CHST7: variants seen among roughly 807,000 people sequenced by gnomAD.
CHST7 encodes N-acetylglucosamine 6-O-sulfotransferase 4.
In CHST7, 5 loss-of-function variants were observed where a neutral mutation model predicts 9.0. The ratio of observed to expected loss-of-function variants is 0.56; its 90% CI spans 0.29 to 1.17. CHST7 has a LOEUF of 1.17. CHST7 is among the 50% of genes most tolerant of loss of function. CHST7 has a pLI of 0.08. For synonymous variants in CHST7, 244 were observed against 237.1 expected (o/e 1.03, Z -0.27); for missense variants, 377 against 485.1 (o/e 0.78, Z 2.09).
chrX:46,581,612 T>G (rs1602108484), intron 1 of CHST7, among the ~76,000 whole-genome samples: 1 of 103,705 alleles, frequency 9.6e-6, no homozygotes, highest in African/African-American at 3.6e-5. Flanking sequence ...AATTTTTTTT[T>G]GAGGCGGAGT....
At chrX:46,591,287 C>A (rs1233063376) in intron 1 of CHST7, among the ~76,000 whole-genome samples, 4 of 112,566 alleles carry the variant, frequency 3.6e-5, no homozygotes, top group African/African-American at 1.3e-4. Flanking sequence ...AGCAGCTGTA[C>A]CCTTCTACAT....
intron 1 of CHST7, among the ~76,000 whole-genome samples, chrX:46,583,962 G>A (rs1942536800): frequency 8.9e-6 from 1 of 112,257 alleles, no homozygotes; most frequent in Non-Finnish European, 1.9e-5. Context: ...TCACATCTGA[G>A]TGAGAACATG....
intron 1 of CHST7, among the ~76,000 whole-genome samples, chrX:46,577,015 C>T (rs1942502566): frequency 9.0e-6 from 1 of 110,998 alleles, no homozygotes; most frequent in Non-Finnish European, 1.9e-5. Context: ...ACAGATATAA[C>T]AGTAATTGTC....
chrX:46,583,306 G>A (rs1461688422), intron 1 of CHST7, among the ~76,000 whole-genome samples: 1 of 112,453 alleles, frequency 8.9e-6, no homozygotes, highest in Non-Finnish European at 1.9e-5. Context: ...AATAAGAATA[G>A]TAGGGATTAA....
In CHST7 at chrX:46,594,523, C is replaced by CA. The variant is rs35615048; in HGVS notation, c.*32-3222dup. Among the ~76,000 whole-genome samples, 266 of 82,720 alleles carry CA rather than the reference C, an allele frequency of 3.2e-3. 1 individual carries two copies. Among genetic ancestry groups the CA allele is most frequent in the African/African-American group, 9.3e-3 (217 of 23,213 alleles). The allele number at this position is 82,720 out of a possible 115,157, so 71.8% of individuals were successfully genotyped here. On this transcript the variant is annotated intron_variant, in intron 1 of 1. Transcript: ENST00000276055. ...GCCTGGGTGACAGTGAGACTCTGTC[C>CA]AAAAAAAAAAAAAAAGAAAAATCTG...
rs911213035 is a variant in CHST7, at chrX:46,575,120, G to T, written c.1189G>T (p.Ala397Ser). ...RRLLRFSGLR[A>S]LAALDAFALN... is the part of the protein sequence containing the mutation. ...CCTGCTGCGCTTCTCCGGGCTACGC[G>T]CGCTCGCAGCGCTCGATGCCTTCGC... is the stretch of plus-strand genomic sequence containing the variant. Residue 397 changes from alanine (A) to serine (S), a missense_variant, in exon 1 of 2, where the codon GCG becomes TCG. By Grantham distance (99) the Ala-to-Ser change is moderately conservative. This residue lies in a region of CHST7 where 130 missense variants were observed against 134.9 expected (regional missense o/e 0.96). Coordinates refer to ENST00000276055, the MANE Select transcript of CHST7 (RefSeq NM_019886.4). The T allele has an allele frequency of 9.1e-7, 1 of 1,098,765 alleles. No homozygotes were observed. Among genetic ancestry groups the T allele is most frequent in the African/African-American group, 1.9e-5 (1 of 51,903 alleles). 90.6% of individuals were successfully genotyped at this position (1,098,765 alleles called of 1,213,427 possible). A position where few individuals can be genotyped will look rare whatever the true frequency, so the allele number is the denominator to read the frequency against.
chrX:46,574,268 G>C lies in CHST7; in HGVS notation c.337G>C (p.Gly113Arg). ...HIYVHATWRT[G>R]SSFLGELFNQ... ...CTACGTGCATGCCACCTGGCGCACC[G>C]GCTCGTCCTTCCTGGGCGAACTCTT... is the stretch of plus-strand genomic sequence containing the variant. The change falls in exon 1 of 2, where the codon GGC becomes CGC. Residue 113 changes from glycine to arginine, a missense_variant. Coordinates refer to ENST00000276055, the MANE Select transcript of CHST7 (RefSeq NM_019886.4). 5 of 1,211,301 alleles carry C rather than the reference G, an allele frequency of 4.1e-6. No individual in the cohort carries two copies. The highest frequency in any genetic ancestry group is 5.6e-6 in the Non-Finnish European group (5 of 895,202).
chrX:46,574,488 A>G lies in CHST7; in HGVS notation c.557A>G (p.Asn186Ser), dbSNP rs757997517. 9 of 1,205,422 alleles carry G rather than the reference A, an allele frequency of 7.5e-6. No homozygotes were observed. The highest frequency in any genetic ancestry group is 2.3e-4 in the Middle Eastern group (1 of 4,332). Residue 186 changes from asparagine to serine, a missense_variant, in exon 1 of 2, where the codon AAT (asparagine) becomes AGT (serine). Asn to Ser is a conservative substitution (Grantham distance 46, BLOSUM62 1). This residue lies in a region of CHST7 where 239 missense variants were observed against 325.7 expected (regional missense o/e 0.73). Coordinates refer to ENST00000276055, the MANE Select transcript of CHST7 (RefSeq NM_019886.4). ...GCTGCGCGCGCCCCGGACACGGCCA[A>G]TCTTACCACGGCCGCCCTCTTCCGC... is the stretch of plus-strand genomic sequence containing the variant. ...DPAARAPDTA[N>S]LTTAALFRWR... is the part of the protein sequence containing the mutation.
At chrX:46,588,368 C>T (rs984874167) in intron 1 of CHST7, among the ~76,000 whole-genome samples, 1 of 111,580 alleles carries the variant, frequency 9.0e-6, no homozygotes, top group African/African-American at 3.3e-5. Context: ...AGTTCATTGG[C>T]TTGAATCTTC....
In CHST7 at chrX:46,587,935, T is replaced by C. The variant is rs141512450; in HGVS notation, c.*32-9825T>C. 1.5e-3 allele frequency among the ~76,000 whole-genome samples: 170 copies of C among 112,048 alleles called. No individual in the cohort carries two copies. The East Asian group carries it at 0.034, about 22-fold the overall frequency. On this transcript the variant is annotated intron_variant, in intron 1 of 1. Coordinates refer to ENST00000276055, the MANE Select transcript of CHST7 (RefSeq NM_019886.4). ...TTGCAAAGGACGCTCAAGCCCTTCC[T>C]CAGCCCATTTGTTCTGGAGGTGGTC... is the stretch of plus-strand genomic sequence containing the variant.
chrX:46,574,534 C>A lies in CHST7; in HGVS notation c.603C>A (p.Ile201=). ...ALFRWRTNKV[I]CSPPLCPGAP... ...TCCGCTGGCGGACTAACAAGGTCAT[C>A]TGCTCGCCGCCACTGTGTCCTGGCG... Residue 201 remains isoleucine, a synonymous_variant, in exon 1 of 2, where the codon ATC becomes ATA. Coordinates refer to ENST00000276055, the MANE Select transcript of CHST7 (RefSeq NM_019886.4). 1 of 1,207,179 alleles carries A rather than the reference C, an allele frequency of 8.3e-7. No homozygotes were observed. The highest frequency in any genetic ancestry group is 1.1e-6 in the Non-Finnish European group (1 of 893,187).
chrX:46,595,000 G>T (rs1332663918), intron 1 of CHST7, among the ~76,000 whole-genome samples: 2 of 111,763 alleles, frequency 1.8e-5, no homozygotes, highest in African/African-American at 6.5e-5. Flanking sequence ...GATTCACTAA[G>T]TCCTTACTCT....
chrX:46,581,046 C>T, intron 1 of CHST7, among the ~76,000 whole-genome samples: 1 of 109,324 alleles, frequency 9.1e-6, no homozygotes, highest in Admixed American at 9.8e-5. Context: ...ATCAGCCTGA[C>T]CAACATAGTG....
intron 1 of CHST7, among the ~76,000 whole-genome samples, chrX:46,590,976 T>C (rs1295700822): frequency 8.9e-6 from 1 of 112,651 alleles, no homozygotes; most frequent in African/African-American, 3.2e-5. Flanking sequence ...TTCACTCAGT[T>C]GTAATCCTCT....
chrX:46,579,985 C>T (rs1942517365), intron 1 of CHST7, among the ~76,000 whole-genome samples: 1 of 110,855 alleles, frequency 9.0e-6, no homozygotes, highest in African/African-American at 3.3e-5. Flanking sequence ...GAGAGAGACC[C>T]TGTCTCAAAA....
rs1324662669 is a variant in CHST7, at chrX:46,586,731, GT to G, written c.*32-11018del. 1.8e-3 allele frequency among the ~76,000 whole-genome samples: 193 copies of G among 104,659 alleles called. 1 individual carries two copies. Among genetic ancestry groups the G allele is most frequent in the African/African-American group, 3.9e-3 (112 of 28,985 alleles). 90.9% of individuals were successfully genotyped at this position (104,659 alleles called of 115,157 possible). On this transcript the variant is annotated intron_variant, in intron 1 of 1. Coordinates refer to ENST00000276055, the MANE Select transcript of CHST7 (RefSeq NM_019886.4). ...ACTAGGCAAACTCAGCTGTTTCCAA[GT>G]TTTTTTTTTTGTTTTTTTTTGAGAT... is the stretch of plus-strand genomic sequence containing the variant.
At chrX:46,587,314 C>T (rs922205898) in intron 1 of CHST7, among the ~76,000 whole-genome samples, 1 of 110,632 alleles carries the variant, frequency 9.0e-6, no homozygotes, top group African/African-American at 3.3e-5. Context: ...CTGGGGCCAT[C>T]CAAGTCCAGG....
chrX:46,581,950 T>G (rs1196808758), intron 1 of CHST7, among the ~76,000 whole-genome samples: 1 of 112,104 alleles, frequency 8.9e-6, no homozygotes, highest in Non-Finnish European at 1.9e-5. Flanking sequence ...TCTCACTTCC[T>G]AGAAGCAGCC....
chrX:46,593,845 C>T (rs1482244721), intron 1 of CHST7, among the ~76,000 whole-genome samples: 1 of 111,702 alleles, frequency 9.0e-6, no homozygotes, highest in Non-Finnish European at 1.9e-5. Context: ...TCACAGCCTA[C>T]TGGTGTCAAC....
Sources: gnomAD v4.1 joint callset for allele counts (sites outside exome capture counted in the v4.1 genomes callset) on GRCh38, gnomAD v4.1.1 for gene constraint, gnomAD v4.1.1 regional missense constraint, MANE v1.5 for transcripts, NCBI Gene and HGNC (gene_info 2026-07-23, HGNC 2026-07-21) for gene names.